Variants in CSNK2A2 observed in about 807,000 individuals in gnomAD.
CSNK2A2 encodes casein kinase II subunit alpha'.
CSNK2A2 carries 8 observed loss-of-function variants against 54.0 expected under a neutral mutation model. The observed-to-expected ratio is 0.15, with a 90% CI of 0.09 to 0.27. CSNK2A2 has a LOEUF of 0.27. CSNK2A2 is among the 10% of genes least tolerant of loss of function. The probability of loss-of-function intolerance (pLI) is 1.00; values close to 1 mark genes in which losing one functional copy is unlikely to be tolerated. For synonymous variants in CSNK2A2, 141 were observed against 153.9 expected (o/e 0.92, Z 0.62); for missense variants, 242 against 439.4 (o/e 0.55, Z 4.02).
chr16:58,171,894 T>A (rs1961745826), intron 5 of CSNK2A2, among the ~76,000 whole-genome samples: 1 of 145,564 alleles, frequency 6.9e-6, no homozygotes, highest in Non-Finnish European at 1.5e-5. Context: ...CTCAAGTGGA[T>A]CCTCCCACCT....
chr16:58,166,565 CT>C lies in CSNK2A2; in HGVS notation c.827+18del. 6.5e-7 allele frequency: 1 copy of C among 1,543,592 alleles called. No individual in the cohort carries two copies. Among genetic ancestry groups the C allele is most frequent in the Non-Finnish European group, 9.0e-7 (1 of 1,116,872 alleles). On this transcript the variant is annotated intron_variant, in intron 9 of 11. Coordinates refer to ENST00000262506, the MANE Select transcript of CSNK2A2 (RefSeq NM_001896.4). The stretch of plus-strand genomic sequence containing the variant: ...GAAACGGGGTAAGGTAAAGCACTCT[CT>C]CTCTCTCTCTTACTTACTGTCCCAG...
At chr16:58,195,452 CCAG>C (rs1962417625) in intron 2 of CSNK2A2, among the ~76,000 whole-genome samples, 1 of 152,142 alleles carries the variant, frequency 6.6e-6, no homozygotes, top group African/African-American at 2.4e-5. Context: ...ATTACCTATA[CCAG>C]CTGCCCTAGC....
intron 10 of CSNK2A2, 100 bp from the exon 11 acceptor site, chr16:58,164,247 T>C (rs1348429023): frequency 2.7e-5 from 29 of 1,071,950 alleles, no homozygotes; most frequent in Non-Finnish European, 3.8e-5. Flanking sequence ...GACAGACTGA[T>C]GGGCAAGCCA....
Position 58,165,659 on chromosome 16 carries a change from G to C in CSNK2A2, c.877C>G (p.Leu293Val). 1 of 1,614,050 alleles carries C rather than the reference G, an allele frequency of 6.2e-7. No individual in the cohort carries two copies. Among genetic ancestry groups the C allele is most frequent in the Non-Finnish European group, 8.5e-7 (1 of 1,179,986 alleles). The change falls in exon 10 of 12, where the codon CTT becomes GTT. Residue 293 changes from leucine (L) to valine (V), a missense_variant. This residue lies in a region of CSNK2A2 where 81 missense variants were observed against 135.0 expected (regional missense o/e 0.60). Transcript: ENST00000262506. ...ENFIHSENRH[L>V]VSPEALDLLD... ...AGATCTAGGGCCTCAGGGCTGACAA[G>C]GTGTCTGTTCTCACTATGGATAAAG... is the stretch of plus-strand genomic sequence containing the variant.
At chr16:58,183,197 T>TA (rs899257534) in intron 4 of CSNK2A2, among the ~76,000 whole-genome samples, 3 of 145,008 alleles carry the variant, frequency 2.1e-5, no homozygotes, top group Admixed American at 7.1e-5. Context: ...CCGTCTCTGC[T>TA]AAAAAAAATT....
intron 2 of CSNK2A2, among the ~76,000 whole-genome samples, chr16:58,190,046 A>G (rs1218085360): frequency 6.6e-6 from 1 of 152,218 alleles, no homozygotes; most frequent in Non-Finnish European, 1.5e-5. Context: ...CAGAGCCTGT[A>G]GCCATTCACC....
At chr16:58,185,324 C>A in intron 3 of CSNK2A2, among the ~76,000 whole-genome samples, 1 of 152,202 alleles carries the variant, frequency 6.6e-6, no homozygotes, top group East Asian at 1.9e-4. Flanking sequence ...GTAAGGGTTT[C>A]ATCAGTATTA....
chr16:58,166,607 T>C lies in CSNK2A2; in HGVS notation c.804A>G (p.Pro268=). The part of the protein sequence containing the change: ...YLKKYHIDLD[P]HFNDILGQHS... ...ACTGTCCCAGGATATCGTTGAAGTGTGGATCTAGGTCTATGTGATACTTCT... is the reference window on the plus strand; with the variant it reads ...ACTGTCCCAGGATATCGTTGAAGTGCGGATCTAGGTCTATGTGATACTTCT... The change falls in exon 9 of 12, where the codon CCA becomes CCG. Residue 268 remains proline, a synonymous_variant. Coordinates refer to ENST00000262506, the MANE Select transcript of CSNK2A2 (RefSeq NM_001896.4). 1 of 1,612,174 alleles carries C rather than the reference T, an allele frequency of 6.2e-7. No individual in the cohort carries two copies. Among genetic ancestry groups the C allele is most frequent in the South Asian group, 1.1e-5 (1 of 91,056 alleles).
chr16:58,173,252 C>T (rs1375393855), intron 5 of CSNK2A2, among the ~76,000 whole-genome samples: 1 of 152,184 alleles, frequency 6.6e-6, no homozygotes, highest in Non-Finnish European at 1.5e-5. Context: ...AAGGAAGACC[C>T]ATTAGCCATA....
At chr16:58,188,804 G>A (rs1194517251) in intron 2 of CSNK2A2, among the ~76,000 whole-genome samples, 1 of 152,146 alleles carries the variant, frequency 6.6e-6, no homozygotes, top group African/African-American at 2.4e-5. Flanking sequence ...GTGTGTATAT[G>A]TACACAAATG....
intron 11 of CSNK2A2, chr16:58,163,253 CAAAAAAAAAAAAAA>C (rs55808367): frequency 1.5e-5 from 1 of 66,598 alleles, no homozygotes; most frequent in African/African-American, 6.9e-5. Flanking sequence ...ACAAGGCTGC[CAAAAAAAAAAAAAA>C]AAAAAAAAAA....
At chr16:58,173,208 C>T (rs776726864) in intron 5 of CSNK2A2, among the ~76,000 whole-genome samples, 10 of 152,172 alleles carry the variant, frequency 6.6e-5, no homozygotes, top group Non-Finnish European at 1.2e-4. Flanking sequence ...AAATCAAGCT[C>T]GACCTTTTTC....
chr16:58,177,262 G>T (rs1961906988), intron 4 of CSNK2A2, among the ~76,000 whole-genome samples: 1 of 152,204 alleles, frequency 6.6e-6, no homozygotes, highest in Non-Finnish European at 1.5e-5. Flanking sequence ...TGACACATTA[G>T]AAAGAGAAAC....
chr16:58,191,737 G>T (rs746798353), intron 2 of CSNK2A2, among the ~76,000 whole-genome samples: 1 of 152,094 alleles, frequency 6.6e-6, no homozygotes, highest in African/African-American at 2.4e-5. Context: ...CTCATTAGGA[G>T]AACACTACAA....
intron 2 of CSNK2A2, among the ~76,000 whole-genome samples, chr16:58,189,251 C>T (rs1410658521): frequency 6.6e-6 from 1 of 152,122 alleles, no homozygotes; most frequent in Non-Finnish European, 1.5e-5. Flanking sequence ...CAACTGCGCC[C>T]GGCCAAAGCT....
At chr16:58,182,981 T>C (rs1962097256) in intron 4 of CSNK2A2, among the ~76,000 whole-genome samples, 1 of 152,224 alleles carries the variant, frequency 6.6e-6, no homozygotes, top group South Asian at 2.1e-4. Context: ...CACATAAAAC[T>C]TCCTTATTGT....
At chr16:58,170,676 G>C (rs1961710140) in intron 5 of CSNK2A2, among the ~76,000 whole-genome samples, 1 of 152,068 alleles carries the variant, frequency 6.6e-6, no homozygotes, top group African/African-American at 2.4e-5. Context: ...CTTTGCTGGT[G>C]GGTGTAAAGT....
At chr16:58,183,700 G>A (rs894609303) in intron 4 of CSNK2A2, among the ~76,000 whole-genome samples, 1 of 152,044 alleles carries the variant, frequency 6.6e-6, no homozygotes, top group Admixed American at 6.6e-5. Context: ...TGTGAAACAC[G>A]AGCTTAAAAC....
At chr16:58,160,550 G>C (rs908267013) in intron 11 of CSNK2A2, 2 of 152,246 alleles carry the variant, frequency 1.3e-5, no homozygotes, top group Non-Finnish European at 2.9e-5. Flanking sequence ...TCCCTGAGTA[G>C]GCACAGACCA....
Sources: allele counts gnomAD v4.1 joint callset (sites outside exome capture counted in the v4.1 genomes callset), GRCh38; gene constraint gnomAD v4.1.1; regional missense constraint gnomAD v4.1.1; transcripts MANE v1.5; gene names NCBI Gene and HGNC (gene_info 2026-07-23, HGNC 2026-07-21).